The following SSBP2 variants were observed in gnomAD, a reference collection of about 807,000 sequenced individuals.
The protein encoded by SSBP2 is single-stranded DNA-binding protein 2.
SSBP2 carries 17 observed loss-of-function variants against 61.8 expected under a neutral mutation model. The observed-to-expected ratio is 0.28, with a 90% CI of 0.19 to 0.41. SSBP2 has a LOEUF of 0.41. Ranked by LOEUF, SSBP2 falls within the 10% of genes least tolerant of loss-of-function variation. SSBP2 has a pLI of 1.00. For synonymous variants in SSBP2, 139 were observed against 141.3 expected (o/e 0.98, Z 0.12); for missense variants, 310 against 458.7 (o/e 0.68, Z 2.96).
At chr5:81,498,785 A>G (rs1767480196) in intron 5 of SSBP2, among the ~76,000 whole-genome samples, 1 of 152,102 alleles carries the variant, frequency 6.6e-6, no homozygotes, top group Non-Finnish European at 1.5e-5. Context: ...TGTGCTATCA[A>G]TAAGTATTAA....
intron 1 of SSBP2, among the ~76,000 whole-genome samples, chr5:81,661,101 C>G (rs1469299311): frequency 6.6e-6 from 1 of 152,016 alleles, no homozygotes; most frequent in African/African-American, 2.4e-5. Flanking sequence ...GTACAGCAAA[C>G]CACAATGGCG....
At chr5:81,585,881 T>TGA (rs1775023754) in intron 4 of SSBP2, among the ~76,000 whole-genome samples, 1 of 152,080 alleles carries the variant, frequency 6.6e-6, no homozygotes, top group Admixed American at 6.5e-5. Flanking sequence ...TTTTTAGATA[T>TGA]GAGATCATGT....
intron 3 of SSBP2, among the ~76,000 whole-genome samples, chr5:81,635,805 C>T (rs866029996): frequency 6.6e-6 from 1 of 152,038 alleles, no homozygotes; most frequent in South Asian, 2.1e-4. Flanking sequence ...AGGATGGTCT[C>T]GATCTCCTGA....
chr5:81,412,813 A>T lies in SSBP2; in HGVS notation c.*7691T>A, dbSNP rs1761189717. Among the ~76,000 whole-genome samples, 1 of 152,224 alleles carries T rather than the reference A, an allele frequency of 6.6e-6. No homozygotes were observed. The highest frequency in any genetic ancestry group is 1.5e-5 in the Non-Finnish European group (1 of 68,044). On this transcript the variant is annotated 3_prime_UTR_variant, in exon 17 of 17. Transcript: ENST00000320672. ...ATTATGTATAGTCATATTTGCAGTA[A>T]AATACCAAAGTTTAATTCATTAACA...
intron 4 of SSBP2, among the ~76,000 whole-genome samples, chr5:81,584,338 GCT>G (rs1386823460): frequency 2.0e-5 from 3 of 152,130 alleles, no homozygotes; most frequent in Non-Finnish European, 4.4e-5. Context: ...TAAAGCAAAT[GCT>G]TATGCATACT....
chr5:81,591,132 C>T (rs1289010293), intron 4 of SSBP2, among the ~76,000 whole-genome samples: 1 of 152,150 alleles, frequency 6.6e-6, no homozygotes, highest in South Asian at 2.1e-4. Flanking sequence ...GAAGGCAGAC[C>T]ACAGATTGAG....
chr5:81,656,693 G>A (rs1397186802), intron 1 of SSBP2, among the ~76,000 whole-genome samples: 1 of 146,932 alleles, frequency 6.8e-6, no homozygotes, highest in East Asian at 2.0e-4. Context: ...ATTCAAATAG[G>A]AAGAATGGTT....
At chr5:81,657,306 A>T (rs1175787643) in intron 1 of SSBP2, among the ~76,000 whole-genome samples, 1 of 152,222 alleles carries the variant, frequency 6.6e-6, no homozygotes. Flanking sequence ...GCAGTGAAAA[A>T]CTGGCAATCT....
intron 15 of SSBP2, among the ~76,000 whole-genome samples, chr5:81,433,568 C>A (rs1420944309): frequency 7.1e-6 from 1 of 140,694 alleles, no homozygotes; most frequent in Non-Finnish European, 1.5e-5. Flanking sequence ...TCCCCCTCCG[C>A]GAGAAACACC....
chr5:81,501,011 T>C (rs1388727995), intron 5 of SSBP2, among the ~76,000 whole-genome samples: 1 of 149,302 alleles, frequency 6.7e-6, no homozygotes, highest in African/African-American at 2.4e-5. Flanking sequence ...ATCAGGAGTT[T>C]GAAACCAGCC....
At chr5:81,456,313 T>C (rs923109257) in intron 10 of SSBP2, among the ~76,000 whole-genome samples, 1 of 151,626 alleles carries the variant, frequency 6.6e-6, no homozygotes, top group African/African-American at 2.4e-5. Flanking sequence ...TCTTTTACTA[T>C]CCATTCCTTT....
At chr5:81,508,012 T>C (rs1768311642) in intron 5 of SSBP2, among the ~76,000 whole-genome samples, 1 of 152,182 alleles carries the variant, frequency 6.6e-6, no homozygotes, top group Non-Finnish European at 1.5e-5. Context: ...GTCCTTTGCC[T>C]GTCCTTTTGT....
chr5:81,693,021 C>CA (rs1753323297), intron 1 of SSBP2, among the ~76,000 whole-genome samples: 1 of 151,724 alleles, frequency 6.6e-6, no homozygotes, highest in Non-Finnish European at 1.5e-5. Flanking sequence ...CTGGCCAACA[C>CA]AGTGAAAGCT....
At chr5:81,602,723 G>A (rs750500913) in intron 4 of SSBP2, among the ~76,000 whole-genome samples, 1 of 152,094 alleles carries the variant, frequency 6.6e-6, no homozygotes, top group Non-Finnish European at 1.5e-5. Flanking sequence ...CATATATCAT[G>A]AGACAGGGCT....
chr5:81,604,048 C>A (rs529506352), intron 4 of SSBP2, among the ~76,000 whole-genome samples: 1 of 152,092 alleles, frequency 6.6e-6, no homozygotes, highest in East Asian at 1.9e-4. Context: ...AGAAGTATAA[C>A]AGGGGAGCAG....
chr5:81,553,523 GGCTA>G (rs562928087), intron 4 of SSBP2, among the ~76,000 whole-genome samples: 291 of 152,110 alleles, frequency 1.9e-3, no homozygotes, highest in Non-Finnish European at 2.8e-3. Flanking sequence ...TTATAGAAAT[GGCTA>G]GCTATTTTCC....
intron 1 of SSBP2, among the ~76,000 whole-genome samples, chr5:81,675,020 T>C (rs2153799495): frequency 6.6e-6 from 1 of 152,298 alleles, no homozygotes; most frequent in South Asian, 2.1e-4. Context: ...CAGTTCCCTT[T>C]TGATTATCCA....
In SSBP2 at chr5:81,517,235, A is replaced by G. The variant is rs556657757; in HGVS notation, c.283-3518T>C. On this transcript the variant is annotated intron_variant, in intron 4 of 16. Coordinates refer to ENST00000320672, the MANE Select transcript of SSBP2 (RefSeq NM_012446.5). Reference sequence around the variant, plus strand: ...GAATATATAAGACTTCAGTGCAGATATAACAATATTATCATTAAAAGTTGT... The same window carrying G: ...GAATATATAAGACTTCAGTGCAGATGTAACAATATTATCATTAAAAGTTGT... Among the ~76,000 whole-genome samples, 4 of 152,214 alleles carry G rather than the reference A, an allele frequency of 2.6e-5. No individual in the cohort carries two copies. In the East Asian group the frequency reaches 7.7e-4, roughly 29 times the overall value.
chr5:81,624,911 A>T (rs1746986015), intron 3 of SSBP2, among the ~76,000 whole-genome samples: 1 of 152,176 alleles, frequency 6.6e-6, no homozygotes, highest in Non-Finnish European at 1.5e-5. Flanking sequence ...ATGCTGCCAT[A>T]CACTGCCCAA....
Sources: gnomAD v4.1 joint callset for allele counts (sites outside exome capture counted in the v4.1 genomes callset) on GRCh38, gnomAD v4.1.1 for gene constraint, MANE v1.5 for transcripts, NCBI Gene and HGNC (gene_info 2026-07-23, HGNC 2026-07-21) for gene names.